The following CDYL2 variants were observed in gnomAD, a reference collection of about 807,000 sequenced individuals.
CDYL2 encodes the protein chromodomain Y like 2, also known as chromodomain Y-like protein 2.
In CDYL2, 23 loss-of-function variants were observed where a neutral mutation model predicts 49.4. The observed-to-expected ratio is 0.47, with a 90% CI of 0.34 to 0.66. CDYL2 has a LOEUF of 0.66. CDYL2 is among the 30% of genes least tolerant of loss of function. The pLI, the probability that CDYL2 is intolerant of heterozygous loss-of-function variation, is 0.01. For missense variants in CDYL2, 678 were observed against 656.4 expected (o/e 1.03, Z -0.36); for synonymous variants, 360 against 268.8 (o/e 1.34, Z -3.32).
chr16:80,639,376 T>A (rs548309197), intron 2 of CDYL2, among the ~76,000 whole-genome samples: 1 of 152,346 alleles, frequency 6.6e-6, no homozygotes, highest in South Asian at 2.1e-4. Context: ...TGTGAAATCT[T>A]ATAGTCACAA....
Position 80,612,959 on chromosome 16 carries a change from G to T in CDYL2, c.1008-123C>A. 1.2e-6 allele frequency: 1 copy of T among 826,460 alleles called. No individual in the cohort carries two copies. The highest frequency in any genetic ancestry group is 1.8e-6 in the Non-Finnish European group (1 of 545,646). 51.2% of individuals were successfully genotyped at this position (826,460 alleles called of 1,614,324 possible). ...GGTCGTCAGAGGTTAGAGGTGCCAG[G>T]CAAGGGCCTCATTGCCTGGACATGG... On this transcript the variant is annotated intron_variant, in intron 4 of 6. Transcript: ENST00000570137. The surrounding 1 kb of genome is among the most constrained non-coding windows in gnomAD (Gnocchi z 5.0).
intron 4 of CDYL2, among the ~76,000 whole-genome samples, chr16:80,615,528 C>T (rs1353200824): frequency 1.3e-5 from 2 of 152,024 alleles, no homozygotes; most frequent in Admixed American, 6.6e-5. Flanking sequence ...AAAGAGGGTC[C>T]GTGCCTGTCA....
At chr16:80,803,970 G>T (rs943332118) in intron 1 of CDYL2, among the ~76,000 whole-genome samples, 180 bp downstream of exon 1, 1 of 139,856 alleles carries the variant, frequency 7.2e-6, no homozygotes, top group African/African-American at 2.6e-5. Context: ...GGCGGGCGGC[G>T]GGCGGCGGGC....
chr16:80,791,345 A>G (rs1445879569), intron 1 of CDYL2, among the ~76,000 whole-genome samples: 7 of 152,262 alleles, frequency 4.6e-5, no homozygotes, highest in Non-Finnish European at 1.0e-4. Context: ...GATTGAATAA[A>G]TTAATTATTT....
Position 80,783,738 on chromosome 16 carries a change from A to G in CDYL2, c.24+20412T>C, listed in dbSNP as rs369863936. ...TGTAATGCATGCTAAAACATGGCTG[A>G]TTACAAGCTACAACATGGCTGAGCC... On this transcript the variant is annotated intron_variant, in intron 1 of 6. Coordinates refer to ENST00000570137, the MANE Select transcript of CDYL2 (RefSeq NM_152342.4). 3.3e-5 allele frequency among the ~76,000 whole-genome samples: 5 copies of G among 152,368 alleles called. No homozygotes were observed. The East Asian group carries it at 7.7e-4, about 23-fold the overall frequency.
In CDYL2 at chr16:80,603,937, G is replaced by GCCGTATCATTAA; in HGVS notation, c.*450_*451insTTAATGATACGG. 1 of 164,522 alleles carries GCCGTATCATTAA rather than the reference G, an allele frequency of 6.1e-6. No individual in the cohort carries two copies. Among genetic ancestry groups the GCCGTATCATTAA allele is most frequent in the Admixed American group, 5.8e-5 (1 of 17,250 alleles). The allele number at this position is 164,522 out of a possible 1,614,324, so 10.2% of individuals were successfully genotyped here. A position where few individuals can be genotyped will look rare whatever the true frequency, so the allele number is the denominator to read the frequency against. On this transcript the variant is annotated 3_prime_UTR_variant, in exon 7 of 7. Transcript: ENST00000570137. ...CACAATCATTTTGCTCATTGGTCTGGAAATTCCCTAAGATTGGTCGTCCTC... is the reference window on the plus strand; with the variant it reads ...CACAATCATTTTGCTCATTGGTCTGGCCGTATCATTAAAAATTCCCTAAGATTGGTCGTCCTC...
At chr16:80,666,970 G>A (rs149386666) in intron 2 of CDYL2, among the ~76,000 whole-genome samples, 288 of 152,322 alleles carry the variant, frequency 1.9e-3, no homozygotes, top group African/African-American at 6.7e-3. Flanking sequence ...TCGAGTGAAA[G>A]AGGCAGAGAT....
intron 1 of CDYL2, among the ~76,000 whole-genome samples, chr16:80,779,334 A>T (rs915805367): frequency 1.3e-5 from 2 of 148,872 alleles, no homozygotes; most frequent in African/African-American, 5.1e-5. Context: ...AATGAAAAAC[A>T]CCTCTCAAGT....
intron 1 of CDYL2, among the ~76,000 whole-genome samples, chr16:80,711,617 A>G (rs1235992868): frequency 6.6e-6 from 1 of 152,242 alleles, no homozygotes; most frequent in Non-Finnish European, 1.5e-5. Flanking sequence ...ACCCACAGCA[A>G]ATTCCTCTAC....
chr16:80,745,633 T>A (rs1170027938), intron 1 of CDYL2, among the ~76,000 whole-genome samples: 1 of 152,198 alleles, frequency 6.6e-6, no homozygotes, highest in Non-Finnish European at 1.5e-5. Context: ...ATAATTATTG[T>A]TGTTATTACT....
chr16:80,799,281 G>C (rs1907855831), intron 1 of CDYL2, among the ~76,000 whole-genome samples: 1 of 151,632 alleles, frequency 6.6e-6, no homozygotes, highest in Non-Finnish European at 1.5e-5. Context: ...TCATTTTTTA[G>C]AGATGCTTTC....
intron 1 of CDYL2, among the ~76,000 whole-genome samples, chr16:80,695,909 A>G (rs1301745659): frequency 6.6e-6 from 1 of 152,220 alleles, no homozygotes; most frequent in Non-Finnish European, 1.5e-5. Context: ...AACCTACCAG[A>G]CATTTATAGA....
At chr16:80,744,910 G>C (rs892412570) in intron 1 of CDYL2, among the ~76,000 whole-genome samples, 1 of 152,164 alleles carries the variant, frequency 6.6e-6, no homozygotes, top group Non-Finnish European at 1.5e-5. Flanking sequence ...GTAGGAACCA[G>C]TGCCACTGAG....
At chr16:80,649,059 C>G (rs540884744) in intron 2 of CDYL2, among the ~76,000 whole-genome samples, 1 of 152,264 alleles carries the variant, frequency 6.6e-6, no homozygotes, top group South Asian at 2.1e-4. Flanking sequence ...AACTGAAAGC[C>G]TTTCCTCTAA....
chr16:80,777,807 A>G (rs1221630255), intron 1 of CDYL2, among the ~76,000 whole-genome samples: 1 of 152,118 alleles, frequency 6.6e-6, no homozygotes, highest in African/African-American at 2.4e-5. Context: ...GCTATTCCTA[A>G]AAACAGGAAA....
chr16:80,648,100 G>A (rs1001477992), intron 2 of CDYL2, among the ~76,000 whole-genome samples: 4 of 151,562 alleles, frequency 2.6e-5, no homozygotes, highest in African/African-American at 9.7e-5. Flanking sequence ...GCATCTTAAA[G>A]AACAAGAAAG....
chr16:80,693,849 G>C (rs1052696632), intron 1 of CDYL2, among the ~76,000 whole-genome samples: 6 of 152,094 alleles, frequency 3.9e-5, no homozygotes, highest in African/African-American at 1.2e-4. Flanking sequence ...AATCAACCAA[G>C]GTGTCAGAGG....
chr16:80,632,163 C>T (rs1198676383), intron 3 of CDYL2, among the ~76,000 whole-genome samples: 1 of 151,844 alleles, frequency 6.6e-6, no homozygotes, highest in Non-Finnish European at 1.5e-5. Context: ...TAGAAACAAG[C>T]CAAAAGTCGA....
intron 1 of CDYL2, among the ~76,000 whole-genome samples, chr16:80,782,116 C>A (rs1205026713): frequency 1.3e-5 from 2 of 150,768 alleles, no homozygotes; most frequent in Non-Finnish European, 3.0e-5. Flanking sequence ...TTGGAAAGAC[C>A]AACAAAATTA....
Sources: allele counts gnomAD v4.1 joint callset (sites outside exome capture counted in the v4.1 genomes callset), GRCh38; gene constraint gnomAD v4.1.1; non-coding constraint Gnocchi (gnomAD v3.1); transcripts MANE v1.5; gene names NCBI Gene and HGNC (gene_info 2026-07-23, HGNC 2026-07-21).